RAD51AP2: variants seen among roughly 807,000 people sequenced by gnomAD.
The protein encoded by RAD51AP2 is RAD51-associated protein 2.
Under a neutral mutation model 85.5 loss-of-function variants are expected in RAD51AP2, and 67 were observed. That is an observed-to-expected ratio of 0.78 (90% CI 0.64 to 0.96). The LOEUF (loss-of-function observed/expected upper bound fraction) is 0.96. Among genes scored for constraint, RAD51AP2 ranks in the 40% least tolerant of loss-of-function variants. The pLI is 0.00. For missense variants in RAD51AP2, 1,307 were observed against 1,332.4 expected, an observed-to-expected ratio of 0.98 and a Z score of 0.30; for synonymous variants, 474 against 446.5, an observed-to-expected ratio of 1.06 and a Z score of -0.78.
At chr2:17,525,819 A>G in the RAD51AP2 span, among the ~76,000 whole-genome samples, 1 of 152,078 alleles carries the variant, frequency 6.6e-6, no homozygotes, top group African/African-American at 2.4e-5. Flanking sequence ...CTAGAAAACC[A>G]TAGATATAGA....
the RAD51AP2 span, among the ~76,000 whole-genome samples, chr2:17,535,774 C>A: frequency 6.6e-6 from 1 of 151,852 alleles, no homozygotes; most frequent in African/African-American, 2.4e-5. Flanking sequence ...CCATCTGTAA[C>A]AAATTAACAT....
chr2:17,519,234 CCTA>C (rs1207874667), upstream of RAD51AP2, among the ~76,000 whole-genome samples: 1 of 151,466 alleles, frequency 6.6e-6, no homozygotes, highest in Non-Finnish European at 1.5e-5. Context: ...CTGACTCATA[CCTA>C]CTAACAAATT....
upstream of RAD51AP2, among the ~76,000 whole-genome samples, chr2:17,519,104 A>G (rs1662798262): frequency 6.6e-6 from 1 of 152,164 alleles, no homozygotes. Flanking sequence ...AAGACTAAAA[A>G]AAAAATAGTT....
chr2:17,513,357 C>T (rs1662554179), intron 2 of RAD51AP2, among the ~76,000 whole-genome samples: 1 of 151,374 alleles, frequency 6.6e-6, no homozygotes, highest in Admixed American at 6.6e-5. Context: ...CCTGCCTCAG[C>T]CTCCCATGTA....
the RAD51AP2 span, among the ~76,000 whole-genome samples, chr2:17,534,833 T>C: frequency 6.6e-6 from 1 of 152,238 alleles, no homozygotes; most frequent in Admixed American, 6.5e-5. Flanking sequence ...ATTATTTGCA[T>C]GATAATAATT....
At chr2:17,524,380 T>C in the RAD51AP2 span, among the ~76,000 whole-genome samples, 1 of 151,962 alleles carries the variant, frequency 6.6e-6, no homozygotes, top group Non-Finnish European at 1.5e-5. Flanking sequence ...TTTATTTCAG[T>C]ATAATAGGAT....
rs1572292315 is a variant in RAD51AP2 at position 17,514,068 on chromosome 2, CT to C, written c.3271del (p.Arg1091AspfsTer17). The C allele has an allele frequency of 6.3e-7, 1 of 1,585,568 alleles. No individual in the cohort carries two copies. The highest frequency in any genetic ancestry group is 8.7e-7 in the Non-Finnish European group (1 of 1,156,006). On this transcript the variant is annotated frameshift_variant, in exon 2 of 3. Coordinates refer to ENST00000399080, the MANE Select transcript of RAD51AP2 (RefSeq NM_001099218.3). LOFTEE classifies it high-confidence loss of function. ...ACATTCATCAGGGAGAAAAGCAGGT[CT>C]TTTAGGTAAAGGTGTTTCACAATCT... is the stretch of plus-strand genomic sequence containing the variant. The part of the protein sequence containing the change: ...EKDCETPLPK[R>X]PAFLPDECKE...
the RAD51AP2 span, among the ~76,000 whole-genome samples, chr2:17,537,315 C>T: frequency 4.1e-3 from 616 of 152,086 alleles, 6 homozygotes; most frequent in African/African-American, 0.014. Flanking sequence ...GAGCGAGACC[C>T]CTGTCTCTCT....
At chr2:17,512,778 T>G (rs1519562) in intron 2 of RAD51AP2, among the ~76,000 whole-genome samples, 1 of 152,058 alleles carries the variant, frequency 6.6e-6, no homozygotes, top group Non-Finnish European at 1.5e-5. Context: ...CATGGAGTAT[T>G]GTTCCATCAG....
chr2:17,518,464 CT>C, upstream of RAD51AP2: 1 of 1,569,116 alleles, frequency 6.4e-7, no homozygotes. Flanking sequence ...GCTCCAATCC[CT>C]TAATAGGCGG....
chr2:17,534,379 A>G, the RAD51AP2 span, among the ~76,000 whole-genome samples: 1 of 152,198 alleles, frequency 6.6e-6, no homozygotes, highest in African/African-American at 2.4e-5. Flanking sequence ...TGTCATCCCA[A>G]GCAAGAACCT....
the RAD51AP2 span, among the ~76,000 whole-genome samples, chr2:17,529,377 A>G: frequency 6.6e-6 from 1 of 152,046 alleles, no homozygotes; most frequent in Non-Finnish European, 1.5e-5. Flanking sequence ...TGAATTATAA[A>G]TAAAATTATC....
At chr2:17,536,293 C>T in the RAD51AP2 span, among the ~76,000 whole-genome samples, 7 of 152,060 alleles carry the variant, frequency 4.6e-5, no homozygotes, top group East Asian at 7.7e-4. Context: ...TCTGCAATGG[C>T]GATTCACACA....
chr2:17,520,157 T>G (rs1441000503), upstream of RAD51AP2, among the ~76,000 whole-genome samples: 1 of 152,152 alleles, frequency 6.6e-6, no homozygotes, highest in Non-Finnish European at 1.5e-5. Context: ...GATACAGAAA[T>G]GTATAGTTAT....
At chr2:17,513,470 C>T (rs533293876) in intron 2 of RAD51AP2, among the ~76,000 whole-genome samples, 1 of 152,160 alleles carries the variant, frequency 6.6e-6, no homozygotes, top group South Asian at 2.1e-4. Context: ...ATCTCCTGAC[C>T]TCGTGATCCG....
At chr2:17,511,452 A>G (rs1190581251) in intron 2 of RAD51AP2, among the ~76,000 whole-genome samples, 2 of 152,150 alleles carry the variant, frequency 1.3e-5, no homozygotes, top group East Asian at 3.8e-4. Context: ...ACATTATACT[A>G]TATCATTTTC....
chr2:17,537,196 T>A, the RAD51AP2 span, among the ~76,000 whole-genome samples: 1 of 151,922 alleles, frequency 6.6e-6, no homozygotes, highest in Admixed American at 6.6e-5. Context: ...GTGGTGTGTG[T>A]CTGTAGTACC....
chr2:17,518,116 A>G lies in RAD51AP2; in HGVS notation c.300T>C (p.Cys100=), dbSNP rs771734402. The G allele has an allele frequency of 1.2e-6, 2 of 1,614,186 alleles. No individual in the cohort carries two copies. The highest frequency in any genetic ancestry group is 1.7e-6 in the Non-Finnish European group (2 of 1,180,008). ...ATTTGAGATTTGAGCATTTCAGATT[A>G]CATATCTGCTTCCCACTGACTGATT... is the stretch of plus-strand genomic sequence containing the variant. The part of the protein sequence containing the change: ...VEKSVSGKQI[C]NLKCSNLKFQ... Residue 100 remains cysteine (C), a synonymous_variant, in exon 1 of 3, where the codon TGT becomes TGC. Transcript: ENST00000399080.
the RAD51AP2 span, among the ~76,000 whole-genome samples, chr2:17,533,620 C>T: frequency 2.6e-5 from 4 of 152,156 alleles, no homozygotes; most frequent in African/African-American, 9.7e-5. Context: ...TAAAAATTAG[C>T]AGTGAAATTT....
Sources: gnomAD v4.1 joint callset for allele counts (sites outside exome capture counted in the v4.1 genomes callset) on GRCh38, gnomAD v4.1.1 for gene constraint, MANE v1.5 for transcripts, NCBI Gene and HGNC (gene_info 2026-07-23, HGNC 2026-07-21) for gene names.